AGTPBP1: variants seen among roughly 807,000 people sequenced by gnomAD.
The protein encoded by AGTPBP1 is ATP/GTP binding carboxypeptidase 1.
Under a neutral mutation model 143.9 loss-of-function variants are expected in AGTPBP1, and 70 were observed. The observed-to-expected ratio is 0.49, with a 90% CI of 0.40 to 0.59. The LOEUF is 0.59. Among genes scored for constraint, AGTPBP1 ranks in the 20% least tolerant of loss-of-function variants. The probability of loss-of-function intolerance (pLI) is 0.00; values close to 1 mark genes in which losing one functional copy is unlikely to be tolerated. For synonymous variants in AGTPBP1, 463 were observed against 500.2 expected (o/e 0.93, Z 0.99); for missense variants, 1,229 against 1,464.5 (o/e 0.84, Z 2.62).
intron 6 of AGTPBP1, among the ~76,000 whole-genome samples, chr9:85,674,808 G>A (rs1389514031): frequency 1.3e-5 from 2 of 152,134 alleles, no homozygotes; most frequent in Non-Finnish European, 2.9e-5. Flanking sequence ...CACAAACTAT[G>A]TACACACGCA....
chr9:85,607,064 C>T (rs1423384102), intron 17 of AGTPBP1, among the ~76,000 whole-genome samples: 1 of 151,880 alleles, frequency 6.6e-6, no homozygotes, highest in East Asian at 1.9e-4. Context: ...TAAAATATTC[C>T]TAACATACAG....
Position 85,583,206 on chromosome 9 carries a change from C to T in AGTPBP1, c.3165+2257G>A, listed in dbSNP as rs572080942. On this transcript the variant is annotated intron_variant, in intron 23 of 25. Transcript: ENST00000357081. The stretch of plus-strand genomic sequence containing the variant: ...ATGACACTGATTTTAACCCAGTGAG[C>T]GCTACCTTCGACTTCTGATCTGCAG... Among the ~76,000 whole-genome samples, 15 of 152,254 alleles carry T rather than the reference C, an allele frequency of 9.9e-5. No homozygotes were observed. In the East Asian group the frequency reaches 1.2e-3, roughly 12 times the overall value.
chr9:85,581,671 A>G (rs1459844431), intron 23 of AGTPBP1, among the ~76,000 whole-genome samples: 1 of 152,218 alleles, frequency 6.6e-6, no homozygotes, highest in African/African-American at 2.4e-5. Context: ...CACAATATTT[A>G]CCAATATTAA....
At chr9:85,719,996 T>A (rs1304045826) in intron 1 of AGTPBP1, among the ~76,000 whole-genome samples, 1 of 152,228 alleles carries the variant, frequency 6.6e-6, no homozygotes, top group African/African-American at 2.4e-5. Context: ...CAGCCTTGCA[T>A]CCCAGGGATG....
Position 85,712,580 on chromosome 9 carries a change from G to A in AGTPBP1, c.-33-14C>T. The stretch of plus-strand genomic sequence containing the variant: ...ATTGCAGATAATCTAAAAGAAAAAT[G>A]TTAATGATATTAAAAACTTATAACT... On this transcript the variant is annotated splice_polypyrimidine_tract_variant and intron_variant, in intron 1 of 25. Coordinates refer to ENST00000357081, the MANE Select transcript of AGTPBP1 (RefSeq NM_001330701.2). 7.7e-7 allele frequency: 1 copy of A among 1,296,326 alleles called. No homozygotes were observed. The highest frequency in any genetic ancestry group is 1.1e-6 in the Non-Finnish European group (1 of 950,622). 80.3% of individuals were successfully genotyped at this position (1,296,326 alleles called of 1,614,324 possible).
intron 13 of AGTPBP1, among the ~76,000 whole-genome samples, chr9:85,641,119 T>G (rs1163722392): frequency 6.6e-6 from 1 of 152,086 alleles, no homozygotes; most frequent in Non-Finnish European, 1.5e-5. Flanking sequence ...CAAAAAAACA[T>G]GGTATATAAA....
At chr9:85,778,973 T>C in the AGTPBP1 span, among the ~76,000 whole-genome samples, 4 of 152,134 alleles carry the variant, frequency 2.6e-5, no homozygotes, top group Admixed American at 2.0e-4. Context: ...AAACAGTTCA[T>C]GCCAAGGACT....
rs1239149372 is a variant in AGTPBP1 at position 85,566,274 on chromosome 9, GT to G, written c.3503+9040del. Among the ~76,000 whole-genome samples, 8 of 152,118 alleles carry G rather than the reference GT, an allele frequency of 5.3e-5. No individual in the cohort carries two copies. The East Asian group carries it at 1.5e-3, about 29-fold the overall frequency. On this transcript the variant is annotated intron_variant, in intron 25 of 25. Transcript: ENST00000357081. ...GTGGCTCATGCCTGTAATCCCAGCA[GT>G]TTGGGAGGCCGAGATGGGAAGACTG...
intron 17 of AGTPBP1, among the ~76,000 whole-genome samples, chr9:85,610,638 C>T (rs531737700): frequency 1.3e-5 from 2 of 151,820 alleles, no homozygotes; most frequent in African/African-American, 4.8e-5. Context: ...AACCGGCACG[C>T]CCCAATCAAA....
intron 17 of AGTPBP1, among the ~76,000 whole-genome samples, chr9:85,603,410 G>A (rs1477776241): frequency 4.6e-5 from 7 of 152,036 alleles, no homozygotes; most frequent in Non-Finnish European, 7.4e-5. Context: ...CACACCCTGG[G>A]CCAGAAGAGA....
chr9:85,693,646 A>C (rs1440418959), intron 2 of AGTPBP1, among the ~76,000 whole-genome samples: 1 of 152,160 alleles, frequency 6.6e-6, no homozygotes, highest in Non-Finnish European at 1.5e-5. Flanking sequence ...AGGTGTTGTC[A>C]ATATAGTGTA....
At chr9:85,709,340 T>C (rs574289440) in intron 2 of AGTPBP1, among the ~76,000 whole-genome samples, 3 of 152,286 alleles carry the variant, frequency 2.0e-5, no homozygotes, top group African/African-American at 7.2e-5. Context: ...ATAAAAAGCA[T>C]TTAAGAAACC....
the AGTPBP1 span, among the ~76,000 whole-genome samples, chr9:85,787,015 C>T: frequency 6.6e-6 from 1 of 151,972 alleles, no homozygotes; most frequent in Non-Finnish European, 1.5e-5. Flanking sequence ...CCAGCTAAAT[C>T]TTGCTTTTGT....
chr9:85,626,246 A>G (rs1831288694), intron 14 of AGTPBP1, among the ~76,000 whole-genome samples: 1 of 152,202 alleles, frequency 6.6e-6, no homozygotes, highest in Non-Finnish European at 1.5e-5. Context: ...GGAGGTAAAG[A>G]GATTTTTAAC....
chr9:85,720,012 A>C (rs999536297), intron 1 of AGTPBP1, among the ~76,000 whole-genome samples: 110 of 152,290 alleles, frequency 7.2e-4, no homozygotes, highest in African/African-American at 2.6e-3. Context: ...GGATGAAGCC[A>C]ACTTGATTGT....
At chr9:85,570,179 A>G (rs1827372394) in intron 25 of AGTPBP1, among the ~76,000 whole-genome samples, 1 of 152,208 alleles carries the variant, frequency 6.6e-6, no homozygotes, top group Admixed American at 6.5e-5. Context: ...TATGCTGGAC[A>G]AAAACAATGA....
chr9:85,598,365 C>T (rs1829430512), intron 17 of AGTPBP1, among the ~76,000 whole-genome samples: 2 of 152,166 alleles, frequency 1.3e-5, no homozygotes, highest in African/African-American at 2.4e-5. Flanking sequence ...CAGATTAGTA[C>T]CACTTGTTCT....
At chr9:85,636,317 A>C (rs1327877503) in intron 13 of AGTPBP1, among the ~76,000 whole-genome samples, 2 of 138,508 alleles carry the variant, frequency 1.4e-5, no homozygotes, top group African/African-American at 2.8e-5. Flanking sequence ...GCTGGAGTGC[A>C]GTGGCGCAAT....
At chr9:85,604,509 A>T (rs1408393304) in intron 17 of AGTPBP1, among the ~76,000 whole-genome samples, 1 of 152,136 alleles carries the variant, frequency 6.6e-6, no homozygotes, top group Non-Finnish European at 1.5e-5. Context: ...CCCAAGAAAG[A>T]TGGGTACAAA....
Sources: gnomAD v4.1 joint callset for allele counts (sites outside exome capture counted in the v4.1 genomes callset) on GRCh38, gnomAD v4.1.1 for gene constraint, MANE v1.5 for transcripts, NCBI Gene and HGNC (gene_info 2026-07-23, HGNC 2026-07-21) for gene names.